The following PRAG1 variants were observed in gnomAD, a reference collection of about 807,000 sequenced individuals.
The protein encoded by PRAG1 is inactive tyrosine-protein kinase PRAG1.
Under a neutral mutation model 95.6 loss-of-function variants are expected in PRAG1, and 110 were observed. The observed-to-expected ratio is 1.15, with a 90% CI of 0.99 to 1.35. The LOEUF is 1.35. Among genes scored for constraint, PRAG1 ranks in the 40% most tolerant of loss-of-function variants. The pLI is 0.00. For missense variants in PRAG1, 2,554 were observed against 1,864.7 expected (o/e 1.37, Z -6.81); for synonymous variants, 1,052 against 819.4 (o/e 1.28, Z -4.85).
At chr8:8,321,974 T>TA (rs1798483885) in intron 5 of PRAG1, among the ~76,000 whole-genome samples, 1 of 152,214 alleles carries the variant, frequency 6.6e-6, no homozygotes, top group African/African-American at 2.4e-5. Context: ...TGCTTCTGTT[T>TA]AGAGATACCT....
At chr8:8,333,171 G>C (rs1336301907) in intron 4 of PRAG1, among the ~76,000 whole-genome samples, 1 of 152,230 alleles carries the variant, frequency 6.6e-6, no homozygotes, top group Non-Finnish European at 1.5e-5. Context: ...AAAGGGGTGA[G>C]AGGGGAGAAC....
chr8:8,369,943 T>C (rs966817175), intron 3 of PRAG1, among the ~76,000 whole-genome samples: 7 of 152,188 alleles, frequency 4.6e-5, no homozygotes, highest in African/African-American at 1.7e-4. Flanking sequence ...ATTTAATTCT[T>C]AGCAACTCAA....
chr8:8,349,054 A>G (rs572119101), intron 3 of PRAG1, among the ~76,000 whole-genome samples: 28 of 152,352 alleles, frequency 1.8e-4, no homozygotes, highest in Non-Finnish European at 2.9e-4. Context: ...ATAACCATCA[A>G]GAATACCAGA....
intron 3 of PRAG1, among the ~76,000 whole-genome samples, chr8:8,355,270 A>G (rs886534842): frequency 6.6e-6 from 1 of 152,198 alleles, no homozygotes; most frequent in African/African-American, 2.4e-5. Flanking sequence ...AAGAGGACAT[A>G]ATTAAATGCA....
chr8:8,343,945 T>C (rs1374738845), intron 3 of PRAG1, among the ~76,000 whole-genome samples: 1 of 152,038 alleles, frequency 6.6e-6, no homozygotes, highest in Non-Finnish European at 1.5e-5. Context: ...AAAATAATTA[T>C]AGTAATACAT....
At chr8:8,330,084 G>T (rs1798771500) in intron 4 of PRAG1, among the ~76,000 whole-genome samples, 1 of 152,154 alleles carries the variant, frequency 6.6e-6, no homozygotes, top group African/African-American at 2.4e-5. Flanking sequence ...ACTCAACAGG[G>T]GCTGGGCACG....
chr8:8,377,470 G>C lies in PRAG1; in HGVS notation c.939C>G (p.Ser313Arg), dbSNP rs35273161. ...AGGATGGGTGGGCAGTGGGGCCCTG[G>C]CTACAGCACTCCTTGGGGAAGCTCG... ...RGPSFPKECCSQGPTAHPSCL... is the reference protein window; with the variant it reads ...RGPSFPKECCRQGPTAHPSCL... Residue 313 changes from serine (S) to arginine (R), a missense_variant, in exon 3 of 6, where the codon AGC becomes AGG. Coordinates refer to ENST00000615670, the MANE Select transcript of PRAG1 (RefSeq NM_001080826.3). The C allele has an allele frequency of 0.02, 30,322 of 1,551,888 alleles. 360 individuals are homozygous for C. The highest frequency in any genetic ancestry group is 0.021 in the South Asian group (1,693 of 80,116).
At chr8:8,345,519 A>G (rs1288312514) in intron 3 of PRAG1, among the ~76,000 whole-genome samples, 1 of 152,148 alleles carries the variant, frequency 6.6e-6, no homozygotes, top group African/African-American at 2.4e-5. Flanking sequence ...GGCTGGGCAC[A>G]GTGGCTCACA....
intron 5 of PRAG1, among the ~76,000 whole-genome samples, chr8:8,323,230 G>A (rs12674854): frequency 0.22 from 34,036 of 151,964 alleles, 3,944 homozygotes; most frequent in East Asian, 0.33. Context: ...TAATCCCCAC[G>A]TGTGGTGGGA....
rs1800461178 is a variant in PRAG1, at chr8:8,377,557, G to C, written c.852C>G (p.Cys284Trp). 3.1e-6 allele frequency: 5 copies of C among 1,606,064 alleles called. No individual in the cohort carries two copies. The highest frequency in any genetic ancestry group is 2.7e-5 in the African/African-American group (2 of 74,804). Residue 284 changes from cysteine to tryptophan, a missense_variant, in exon 3 of 6, where the codon TGC becomes TGG. Physicochemically the swap from Cys to Trp is radical, Grantham distance 215. Coordinates refer to ENST00000615670, the MANE Select transcript of PRAG1 (RefSeq NM_001080826.3). ...TCCCCTGCTCCCAGCACGTGGGTGAGCAGTCCCTGCCACCATGCCTGCCCC... is the reference window on the plus strand; with the variant it reads ...TCCCCTGCTCCCAGCACGTGGGTGACCAGTCCCTGCCACCATGCCTGCCCC... ...GSRGRHGGRDCSPTCWEQGKC... is the reference protein window; with the variant it reads ...GSRGRHGGRDWSPTCWEQGKC...
At chr8:8,342,196 T>C (rs1799190977) in intron 3 of PRAG1, among the ~76,000 whole-genome samples, 1 of 138,838 alleles carries the variant, frequency 7.2e-6, no homozygotes, top group African/African-American at 2.7e-5. Flanking sequence ...TCTCATGTAA[T>C]TTTTTTTTTT....
At chr8:8,340,115 C>A (rs762826772) in intron 3 of PRAG1, among the ~76,000 whole-genome samples, 5 of 152,162 alleles carry the variant, frequency 3.3e-5, no homozygotes, top group Admixed American at 6.5e-5. Context: ...ACTCTTTTGC[C>A]AAAGCTTCAA....
rs376338338 is a variant in PRAG1, at chr8:8,327,839, C to A, written c.2943G>T (p.Glu981Asp). The A allele has an allele frequency of 1.9e-6, 3 of 1,614,242 alleles. No homozygotes were observed. Among genetic ancestry groups the A allele is most frequent in the Non-Finnish European group, 1.7e-6 (2 of 1,180,036 alleles). The stretch of plus-strand genomic sequence containing the variant: ...ACCAGTTATTCTCATTGAAGTGGAG[C>A]TCCTTTTTCTGGCCGCCCATGAAGA... ...EDLFMGGQKKELHFNENNWSL... is the reference protein window; with the variant it reads ...EDLFMGGQKKDLHFNENNWSL... Residue 981 changes from glutamate to aspartate, a missense_variant, in exon 5 of 6, where the codon GAG (glutamate) becomes GAT (aspartate). Glu to Asp is a conservative substitution (Grantham distance 45). Coordinates refer to ENST00000615670, the MANE Select transcript of PRAG1 (RefSeq NM_001080826.3).
Position 8,380,380 on chromosome 8 carries a change from C to G in PRAG1, c.330+1038G>C, listed in dbSNP as rs545569285. ...TTGGGAGGCTGAGGCAGGTGGATCA[C>G]TTGAGGTCAGGAGTTAGAGACCAGA... On this transcript the variant is annotated intron_variant, in intron 2 of 5. Transcript: ENST00000615670. Among the ~76,000 whole-genome samples, 8 of 152,262 alleles carry G rather than the reference C, an allele frequency of 5.3e-5. No individual in the cohort carries two copies. The South Asian group carries it at 1.7e-3, about 32-fold the overall frequency.
intron 5 of PRAG1, among the ~76,000 whole-genome samples, chr8:8,320,480 C>G (rs745591241): frequency 2.0e-5 from 3 of 152,178 alleles, no homozygotes; most frequent in Non-Finnish European, 4.4e-5. Context: ...GGCTGCCACT[C>G]AACTAGAGAG....
At chr8:8,330,028 G>T (rs575381614) in intron 4 of PRAG1, among the ~76,000 whole-genome samples, 2 of 152,282 alleles carry the variant, frequency 1.3e-5, no homozygotes, top group East Asian at 1.9e-4. Context: ...CAAGACTATG[G>T]GGTCCTTGCA....
chr8:8,339,758 G>T, intron 3 of PRAG1, 123 bp from the exon 4 acceptor site: 3 of 810,902 alleles, frequency 3.7e-6, no homozygotes, highest in Non-Finnish European at 3.7e-6. Context: ...TTTATTAAAA[G>T]AAAAAAAAAA....
intron 3 of PRAG1, among the ~76,000 whole-genome samples, chr8:8,368,143 A>T (rs1385876068): frequency 6.6e-6 from 1 of 152,226 alleles, no homozygotes; most frequent in Non-Finnish European, 1.5e-5. Context: ...AACTACTGGG[A>T]AGTTGGGGGG....
At position 8,318,811 on chromosome 8, in the gene PRAG1, A is replaced by T. The variant is rs1233353157; in HGVS notation, c.3564T>A (p.Ala1188=). ...CGGCTGCGGGGCTGAGAGTGCCACC[A>T]GCAGGCGGGGCGGCAGAGGAGCAGG... ...APPCSSAAPP[A]GGTLSPAAGP... is the part of the protein sequence containing the mutation. The change falls in exon 6 of 6, where the codon GCT becomes GCA. Residue 1188 remains alanine (A), a synonymous_variant. Transcript: ENST00000615670. The surrounding 1 kb of genome is among the most constrained non-coding windows in gnomAD (Gnocchi z 4.2). 7.1e-7 allele frequency: 1 copy of T among 1,409,216 alleles called. No homozygotes were observed. Among genetic ancestry groups the T allele is most frequent in the Non-Finnish European group, 9.3e-7 (1 of 1,074,668 alleles). The allele number at this position is 1,409,216 out of a possible 1,614,324, so 87.3% of individuals were successfully genotyped here.
Sources: gnomAD v4.1 joint callset for allele counts (sites outside exome capture counted in the v4.1 genomes callset) on GRCh38, gnomAD v4.1.1 for gene constraint, Gnocchi (gnomAD v3.1) non-coding constraint, MANE v1.5 for transcripts, NCBI Gene and HGNC (gene_info 2026-07-23, HGNC 2026-07-21) for gene names.